PLSCR2: variants seen among roughly 807,000 people sequenced by gnomAD.
PLSCR2 encodes PL scramblase 2.
A neutral mutation model predicts 25.3 loss-of-function variants in PLSCR2; 18 were observed. The observed-to-expected ratio is 0.71, with a 90% CI of 0.49 to 1.06. The LOEUF is 1.06. Ranked by LOEUF, PLSCR2 falls within the 50% of genes least tolerant of loss-of-function variation. The pLI is 0.00. For missense variants in PLSCR2, 243 were observed against 269.5 expected, an observed-to-expected ratio of 0.90 and a Z score of 0.69; for synonymous variants, 88 against 87.3, an observed-to-expected ratio of 1.01 and a Z score of -0.04.
intron 2 of PLSCR2, among the ~76,000 whole-genome samples, chr3:146,396,321 T>C (rs1160281691): frequency 6.6e-6 from 1 of 152,176 alleles, no homozygotes; most frequent in Non-Finnish European, 1.5e-5. Flanking sequence ...TCCTCATTTT[T>C]TTTTCTCTCT....
downstream of PLSCR2, among the ~76,000 whole-genome samples, chr3:146,440,890 A>G (rs1036123430): frequency 1.3e-5 from 2 of 152,222 alleles, no homozygotes; most frequent in South Asian, 2.1e-4. Context: ...GTAAAGATAC[A>G]CATATTTTTT....
downstream of PLSCR2, among the ~76,000 whole-genome samples, chr3:146,439,039 A>C (rs2040066382): frequency 6.6e-6 from 1 of 152,154 alleles, no homozygotes; most frequent in Non-Finnish European, 1.5e-5. Context: ...TATGAAGCTT[A>C]ATTTGGCTGG....
chr3:146,432,943 T>G (rs1559988974), downstream of PLSCR2, among the ~76,000 whole-genome samples: 2 of 152,218 alleles, frequency 1.3e-5, no homozygotes, highest in Non-Finnish European at 2.9e-5. Flanking sequence ...TTTTTTACAT[T>G]AAAATATATT....
upstream of PLSCR2, chr3:146,464,017 T>C (rs1004634074): frequency 5.1e-6 from 5 of 975,148 alleles, no homozygotes; most frequent in African/African-American, 8.8e-5. Flanking sequence ...AAAAGATGTA[T>C]TTGTGTTACT....
intron 2 of PLSCR2, among the ~76,000 whole-genome samples, chr3:146,412,512 G>T (rs536918101): frequency 1.3e-5 from 2 of 152,224 alleles, no homozygotes; most frequent in Non-Finnish European, 2.9e-5. Context: ...GGGCCTGCTC[G>T]AGCCATGGTT....
At chr3:146,476,065 A>C (rs2042271866) in intron 1 of PLSCR2, among the ~76,000 whole-genome samples, 1 of 152,136 alleles carries the variant, frequency 6.6e-6, no homozygotes, top group South Asian at 2.1e-4. Flanking sequence ...ATTATTTCCC[A>C]AAACTGTTAT....
chr3:146,423,098 A>ATCC (rs1477043603), intron 2 of PLSCR2, among the ~76,000 whole-genome samples: 1 of 151,972 alleles, frequency 6.6e-6, no homozygotes, highest in Non-Finnish European at 1.5e-5. Context: ...AAGTTTGCAT[A>ATCC]TATTCAGCTG....
chr3:146,445,820 C>A (rs965056792), intron 6 of PLSCR2, among the ~76,000 whole-genome samples: 1 of 152,074 alleles, frequency 6.6e-6, no homozygotes, highest in Non-Finnish European at 1.5e-5. Flanking sequence ...ATCTTGCAGG[C>A]AAGCTTCATT....
chr3:146,476,085 G>C lies in PLSCR2; in HGVS notation c.-292-15801C>G, dbSNP rs796291893. On this transcript the variant is annotated intron_variant, in intron 1 of 8. Transcript: ENST00000336685. Reference sequence around the variant, plus strand: ...TTCCCAAAACTGTTATATAGCGGGGGCGCCGGGGGGTGCACTGGGCCAAGA... The same window carrying C: ...TTCCCAAAACTGTTATATAGCGGGGCCGCCGGGGGGTGCACTGGGCCAAGA... Among the ~76,000 whole-genome samples the C allele has an allele frequency of 7.2e-5, 11 of 152,116 alleles. 1 individual carries two copies. Among genetic ancestry groups the C allele is most frequent in the African/African-American group, 2.7e-4 (11 of 41,482 alleles).
chr3:146,403,897 T>G (rs1285241057), intron 2 of PLSCR2, among the ~76,000 whole-genome samples: 1 of 152,190 alleles, frequency 6.6e-6, no homozygotes, highest in Non-Finnish European at 1.5e-5. Context: ...ACTTTTAAAC[T>G]TAACTTCCTC....
chr3:146,445,696 T>C (rs1026140435), intron 6 of PLSCR2, among the ~76,000 whole-genome samples: 2 of 152,180 alleles, frequency 1.3e-5, no homozygotes, highest in African/African-American at 4.8e-5. Context: ...TCTCCAGGTT[T>C]GAAAAGTTCT....
intron 2 of PLSCR2, chr3:146,398,873 T>A (rs12054455): frequency 0.52 from 79,120 of 151,964 alleles, 20,933 homozygotes; most frequent in South Asian, 0.71. Context: ...GTTAGACTTG[T>A]AAGTAACACT....
chr3:146,476,145 C>A (rs1576720158), intron 1 of PLSCR2, among the ~76,000 whole-genome samples: 1 of 152,174 alleles, frequency 6.6e-6, no homozygotes, highest in South Asian at 2.1e-4. Flanking sequence ...CAAAGGCTCC[C>A]ACCAAGAAGA....
At chr3:146,473,265 C>G (rs2042174653) in intron 1 of PLSCR2, among the ~76,000 whole-genome samples, 1 of 148,516 alleles carries the variant, frequency 6.7e-6, no homozygotes, top group Non-Finnish European at 1.5e-5. Context: ...TGACTATCTT[C>G]ACTTTTATTG....
intron 6 of PLSCR2, among the ~76,000 whole-genome samples, chr3:146,447,257 G>T (rs1261415194): frequency 6.6e-6 from 1 of 152,190 alleles, no homozygotes; most frequent in African/African-American, 2.4e-5. Flanking sequence ...CCTCAAGTAG[G>T]AGGGTTATCT....
chr3:146,450,949 A>T (rs1203792519), intron 5 of PLSCR2, among the ~76,000 whole-genome samples: 11 of 151,940 alleles, frequency 7.2e-5, no homozygotes, highest in Admixed American at 7.2e-4. Context: ...TAAAGTCTAG[A>T]TAATTTTTAT....
At chr3:146,484,586 G>T (rs189506716) in intron 1 of PLSCR2, among the ~76,000 whole-genome samples, 1 of 152,176 alleles carries the variant, frequency 6.6e-6, no homozygotes, top group African/African-American at 2.4e-5. Context: ...ACTAACAACA[G>T]ACCTCTCAAG....
At chr3:146,491,024 T>C (rs751792828) in intron 1 of PLSCR2, among the ~76,000 whole-genome samples, 8 of 152,140 alleles carry the variant, frequency 5.3e-5, no homozygotes, top group Non-Finnish European at 8.8e-5. Context: ...CTTAAAGACT[T>C]CTTGTAAGGC....
chr3:146,439,627 T>C (rs140345708), downstream of PLSCR2, among the ~76,000 whole-genome samples: 8 of 152,334 alleles, frequency 5.3e-5, no homozygotes, highest in South Asian at 1.2e-3. Context: ...TATCAGGTTA[T>C]GTAAGGTCTT....
Sources: allele counts gnomAD v4.1 joint callset (sites outside exome capture counted in the v4.1 genomes callset), GRCh38; gene constraint gnomAD v4.1.1; transcripts MANE v1.5; gene names NCBI Gene and HGNC (gene_info 2026-07-23, HGNC 2026-07-21).